ZBTB20: variants seen among roughly 807,000 people sequenced by gnomAD.
ZBTB20 encodes zinc finger and BTB domain containing 20, also known as zinc finger and BTB domain-containing protein 20.
Under a neutral mutation model 56.9 loss-of-function variants are expected in ZBTB20, and 9 were observed. The ratio of observed to expected loss-of-function variants is 0.16; its 90% confidence interval spans 0.10 to 0.28. The LOEUF (loss-of-function observed/expected upper bound fraction) is 0.28, where lower values mean the gene tolerates loss of function less well. Ranked by LOEUF, ZBTB20 falls within the 10% of genes least tolerant of loss-of-function variation. The pLI, the probability that ZBTB20 is intolerant of heterozygous loss-of-function variation, is 1.00. For missense variants in ZBTB20, 655 were observed against 1,003.0 expected (o/e 0.65, Z 4.69); for synonymous variants, 417 against 420.7 (o/e 0.99, Z 0.11).
intron 3 of ZBTB20, among the ~76,000 whole-genome samples, chr3:114,926,032 C>T (rs760863168): frequency 2.0e-5 from 3 of 152,168 alleles, no homozygotes; most frequent in African/African-American, 4.8e-5. Flanking sequence ...TGTGCATGTG[C>T]AGTTCAGGGG....
At chr3:114,398,101 A>G (rs937999237) in intron 7 of ZBTB20, among the ~76,000 whole-genome samples, 3 of 152,108 alleles carry the variant, frequency 2.0e-5, no homozygotes, top group African/African-American at 7.2e-5. Flanking sequence ...ATTATATAGG[A>G]CTTTTTTCTC....
chr3:114,557,982 C>T (rs1006102200), intron 6 of ZBTB20, among the ~76,000 whole-genome samples: 1 of 152,002 alleles, frequency 6.6e-6, no homozygotes, highest in Non-Finnish European at 1.5e-5. Flanking sequence ...CTCACTACAG[C>T]CCTAATGTTA....
intron 5 of ZBTB20, among the ~76,000 whole-genome samples, chr3:114,790,880 C>G (rs957779627): frequency 4.0e-5 from 6 of 151,752 alleles, no homozygotes; most frequent in African/African-American, 1.5e-4. Context: ...GCAATTCATT[C>G]TTCATTGTTT....
At chr3:114,455,037 GA>G in intron 7 of ZBTB20, among the ~76,000 whole-genome samples, 1 of 142,860 alleles carries the variant, frequency 7.0e-6, no homozygotes, top group Non-Finnish European at 1.5e-5. Flanking sequence ...GAGGAAGAGA[GA>G]GGGGGAAGAG....
chr3:114,748,352 T>TTCTC (rs71146332), intron 5 of ZBTB20, among the ~76,000 whole-genome samples: 2,557 of 48,606 alleles, frequency 0.053, 113 homozygotes, highest in Non-Finnish European at 0.058. Context: ...TTTCTTTCTT[T>TTCTC]TCTCTCTCTC....
intron 6 of ZBTB20, among the ~76,000 whole-genome samples, chr3:114,672,217 G>A (rs1210013266): frequency 1.3e-5 from 2 of 151,806 alleles, no homozygotes. Flanking sequence ...TTCTCTTTTA[G>A]AAATGGAGTA....
intron 5 of ZBTB20, among the ~76,000 whole-genome samples, chr3:114,762,558 G>A (rs911907738): frequency 3.9e-5 from 6 of 152,288 alleles, no homozygotes; most frequent in Non-Finnish European, 8.8e-5. Flanking sequence ...GCTTGTGTGT[G>A]TAAGTAAAGT....
intron 6 of ZBTB20, among the ~76,000 whole-genome samples, chr3:114,652,970 T>C (rs909949883): frequency 6.6e-6 from 1 of 151,982 alleles, no homozygotes; most frequent in African/African-American, 2.4e-5. Context: ...ATAAATGCAA[T>C]CAATTTTTGT....
At position 114,530,045 on chromosome 3, in the gene ZBTB20, T is replaced by C. The variant is rs142939452; in HGVS notation, c.-294-29654A>G. 2.6e-3 allele frequency among the ~76,000 whole-genome samples: 392 copies of C among 152,354 alleles called. 1 individual carries two copies. The highest frequency in any genetic ancestry group is 8.7e-3 in the African/African-American group (362 of 41,590). On this transcript the variant is annotated intron_variant, in intron 6 of 11. Transcript: ENST00000675478. ...TATAAGATAACTGAAAAATTCCTAA[T>C]GCCTAGTGATGTCATAGTGATCATA...
intron 5 of ZBTB20, among the ~76,000 whole-genome samples, chr3:114,726,773 A>G (rs192472636): frequency 1.2e-3 from 189 of 151,986 alleles, no homozygotes; most frequent in African/African-American, 4.2e-3. Context: ...TTAGCCAGGC[A>G]TGGTGGCAGG....
At chr3:114,644,898 T>C (rs146887034) in intron 6 of ZBTB20, among the ~76,000 whole-genome samples, 1,750 of 152,224 alleles carry the variant, frequency 0.011, 19 homozygotes, top group Non-Finnish European at 0.019. Context: ...ATGAATTCAC[T>C]AGCTCTGAAA....
intron 7 of ZBTB20, among the ~76,000 whole-genome samples, chr3:114,421,752 G>C (rs1411811601): frequency 6.6e-6 from 1 of 151,468 alleles, no homozygotes; most frequent in Admixed American, 6.6e-5. Flanking sequence ...CTTTCTGAAT[G>C]TTAATTTCCT....
chr3:114,741,977 GAGTATGA>G (rs2066632022), intron 5 of ZBTB20, among the ~76,000 whole-genome samples: 1 of 152,052 alleles, frequency 6.6e-6, no homozygotes, highest in African/African-American at 2.4e-5. Flanking sequence ...TTAAGAAGTA[GAGTATGA>G]ACAATTTTCC....
chr3:114,548,796 T>G (rs1367891748), intron 6 of ZBTB20, among the ~76,000 whole-genome samples: 2 of 152,114 alleles, frequency 1.3e-5, no homozygotes, highest in African/African-American at 4.8e-5. Context: ...TGGGATTACA[T>G]GCGTGAGCCA....
chr3:114,662,277 G>A (rs1261439590), intron 6 of ZBTB20, among the ~76,000 whole-genome samples: 3 of 151,674 alleles, frequency 2.0e-5, no homozygotes, highest in Non-Finnish European at 4.4e-5. Context: ...GTGTATATAT[G>A]CCACATTTTC....
At chr3:115,104,092 G>A (rs1380744978) in intron 1 of ZBTB20, among the ~76,000 whole-genome samples, 1 of 152,206 alleles carries the variant, frequency 6.6e-6, no homozygotes, top group African/African-American at 2.4e-5. Flanking sequence ...ATAAGCGTAT[G>A]AAAGGGGCTC....
At chr3:115,134,707 G>A (rs1185540479) in intron 1 of ZBTB20, among the ~76,000 whole-genome samples, 2 of 151,960 alleles carry the variant, frequency 1.3e-5, no homozygotes, top group South Asian at 2.1e-4. Context: ...TCATGTTTTC[G>A]CCAGTAGTCC....
intron 6 of ZBTB20, among the ~76,000 whole-genome samples, chr3:114,576,501 CAAAAAAAAAAAAAAAAAAAAAAAAAAAA>C (rs61714991): frequency 3.1e-3 from 75 of 24,106 alleles, no homozygotes; most frequent in South Asian, 9.4e-3. Flanking sequence ...GACTCCGTCT[CAAAAAAAAAAAAAAAAAAAAAAAAAAAA>C]AAAAAAAAAA....
chr3:114,339,044 C>T lies in ZBTB20; in HGVS notation c.2187G>A (p.Gln729=). The T allele has an allele frequency of 6.5e-7, 1 of 1,538,222 alleles. No individual in the cohort carries two copies. The highest frequency in any genetic ancestry group is 1.3e-5 in the South Asian group (1 of 78,054). The change falls in exon 12 of 12, where the codon CAG becomes CAA. Residue 729 remains glutamine, a synonymous_variant. Coordinates refer to ENST00000675478, the MANE Select transcript of ZBTB20 (RefSeq NM_001348800.3). The surrounding 1 kb of genome is among the most constrained non-coding windows in gnomAD (Gnocchi z 4.2). ...VCPAKFDQIE[Q]FNDHMRMHVS... ...CATGCATCCTCATGTGGTCGTTGAACTGCTCGATTTGGTCAAACTTTGCTG... is the reference window on the plus strand; with the variant it reads ...CATGCATCCTCATGTGGTCGTTGAATTGCTCGATTTGGTCAAACTTTGCTG...
Sources: allele counts gnomAD v4.1 joint callset (sites outside exome capture counted in the v4.1 genomes callset), GRCh38; gene constraint gnomAD v4.1.1; non-coding constraint Gnocchi (gnomAD v3.1); transcripts MANE v1.5; gene names NCBI Gene and HGNC (gene_info 2026-07-23, HGNC 2026-07-21).